The following PIK3R3 variants were observed in gnomAD, a reference collection of about 807,000 sequenced individuals.
The protein encoded by PIK3R3 is phosphatidylinositol 3-kinase regulatory subunit gamma.
PIK3R3 carries 64 observed loss-of-function variants against 62.9 expected under a neutral mutation model. The ratio of observed to expected loss-of-function variants is 1.02; its 90% CI spans 0.83 to 1.25. The LOEUF (loss-of-function observed/expected upper bound fraction) is 1.25, where lower values mean the gene tolerates loss of function less well. Among genes scored for constraint, PIK3R3 ranks in the 50% most tolerant of loss-of-function variants. The pLI, the probability that PIK3R3 is intolerant of heterozygous loss-of-function variation, is 0.00. For synonymous variants in PIK3R3, 165 were observed against 189.0 expected (o/e 0.87, Z 1.04); for missense variants, 614 against 561.6 (o/e 1.09, Z -0.94).
intron 3 of PIK3R3, among the ~76,000 whole-genome samples, chr1:46,073,961 C>T (rs1649789661): frequency 6.7e-6 from 1 of 150,370 alleles, no homozygotes; most frequent in Non-Finnish European, 1.5e-5. Flanking sequence ...ACTCCCTGAG[C>T]CACAATATTA....
In PIK3R3 at chr1:46,040,470, A is replaced by G. The variant is rs1223210819; in HGVS notation, c.*3203T>C. On this transcript the variant is annotated 3_prime_UTR_variant, in exon 10 of 10. Coordinates refer to ENST00000262741, the MANE Select transcript of PIK3R3 (RefSeq NM_003629.4). The stretch of plus-strand genomic sequence containing the variant: ...TCACAAGTAACGGCACCAAAGTCAC[A>G]TGCTGGAATTTGTAAGGAAACGAGG... 1 of 229,940 alleles carries G rather than the reference A, an allele frequency of 4.3e-6. No individual in the cohort carries two copies. 14.2% of individuals were successfully genotyped at this position (229,940 alleles called of 1,614,324 possible). A position where few individuals can be genotyped will look rare whatever the true frequency, so the allele number is the denominator to read the frequency against.
At chr1:46,125,092 T>A (rs1557635631) in intron 1 of PIK3R3, among the ~76,000 whole-genome samples, 1 of 151,908 alleles carries the variant, frequency 6.6e-6, no homozygotes, top group Non-Finnish European at 1.5e-5. Flanking sequence ...AGAGCGAGAC[T>A]TTGTCTCAAA....
At chr1:46,153,831 G>A in the PIK3R3 span, among the ~76,000 whole-genome samples, 1 of 152,162 alleles carries the variant, frequency 6.6e-6, no homozygotes, top group Admixed American at 6.5e-5. Context: ...TAGACTCCTA[G>A]TCAGTGCTGC....
the PIK3R3 span, among the ~76,000 whole-genome samples, chr1:46,170,082 C>CA: frequency 6.6e-6 from 1 of 152,050 alleles, no homozygotes; most frequent in Non-Finnish European, 1.5e-5. Flanking sequence ...CCTTTGAAGA[C>CA]AGTCTATTCC....
chr1:46,125,821 C>A (rs1342403754), intron 1 of PIK3R3, among the ~76,000 whole-genome samples: 1 of 151,426 alleles, frequency 6.6e-6, no homozygotes, highest in Non-Finnish European at 1.5e-5. Context: ...AGTGCAGTGG[C>A]ACCATCTTGG....
Position 46,077,619 on chromosome 1 carries a change from G to C in PIK3R3, c.216-6C>G, listed in dbSNP as rs1275351390. 6.4e-7 allele frequency: 1 copy of C among 1,571,768 alleles called. No homozygotes were observed. The highest frequency in any genetic ancestry group is 8.8e-7 in the Non-Finnish European group (1 of 1,141,862). On this transcript the variant is annotated splice_region_variant and splice_polypyrimidine_tract_variant and intron_variant, in intron 2 of 9. Transcript: ENST00000262741. ...ATTTGTCATTTACCTCCTCCCTGAA[G>C]AACAGAATTATAAGAAAAATGAAAA...
chr1:46,170,783 A>G, the PIK3R3 span, among the ~76,000 whole-genome samples: 1 of 152,050 alleles, frequency 6.6e-6, no homozygotes, highest in African/African-American at 2.4e-5. Flanking sequence ...ATGTGTGGAC[A>G]CCTTTGCCTA....
chr1:46,061,805 A>G (rs912050101), intron 6 of PIK3R3, 124 bp downstream of exon 6: 38 of 851,776 alleles, frequency 4.5e-5, no homozygotes, highest in Admixed American at 4.5e-5. Context: ...TAGTGGAAAC[A>G]GCAAGTGGTT....
At chr1:46,129,405 A>T (rs4660341) in intron 1 of PIK3R3, among the ~76,000 whole-genome samples, 68,665 of 121,726 alleles carry the variant, frequency 0.56, 15,885 homozygotes, top group East Asian at 0.65. Context: ...GGGGGATTTT[A>T]TTTATTTATT....
At chr1:46,120,469 A>T (rs1654567333) in intron 1 of PIK3R3, among the ~76,000 whole-genome samples, 1 of 152,148 alleles carries the variant, frequency 6.6e-6, no homozygotes, top group African/African-American at 2.4e-5. Context: ...GCTACTCAGG[A>T]GGCTGAGGCA....
chr1:46,091,138 CTTTTTT>C (rs148774563), intron 1 of PIK3R3, among the ~76,000 whole-genome samples: 2 of 127,654 alleles, frequency 1.6e-5, no homozygotes, highest in African/African-American at 5.7e-5. Context: ...AGCATTTTAA[CTTTTTT>C]TTTTTTTTTT....
the PIK3R3 span, among the ~76,000 whole-genome samples, chr1:46,170,720 C>G: frequency 2.0e-5 from 3 of 152,218 alleles, no homozygotes. Context: ...CGCGCCTGGC[C>G]CTGCCTGGTT....
chr1:46,085,297 C>T (rs1411276500), intron 1 of PIK3R3, among the ~76,000 whole-genome samples: 1 of 152,218 alleles, frequency 6.6e-6, no homozygotes, highest in African/African-American at 2.4e-5. Context: ...ATGTATTGAA[C>T]ACCTCCCATG....
intron 1 of PIK3R3, among the ~76,000 whole-genome samples, chr1:46,093,425 C>T (rs1049237256): frequency 2.4e-4 from 37 of 152,164 alleles, no homozygotes; most frequent in African/African-American, 8.9e-4. Context: ...GTCAACTTCT[C>T]ACATTTGCTT....
the PIK3R3 span, among the ~76,000 whole-genome samples, chr1:46,167,768 C>T: frequency 5.9e-5 from 9 of 152,324 alleles, no homozygotes; most frequent in Admixed American, 2.0e-4. Context: ...AATCAGTGCC[C>T]GCTCTGGGCT....
At chr1:46,045,644 T>TTTTTTTTTTTTCC (rs370501368) in intron 9 of PIK3R3, among the ~76,000 whole-genome samples, 1 of 82,680 alleles carries the variant, frequency 1.2e-5, no homozygotes, top group African/African-American at 4.7e-5. Flanking sequence ...TTTTTTTTTT[T>TTTTTTTTTTTTCC]CAATTTAAGA....
intron 1 of PIK3R3, chr1:46,104,871 T>G (rs1653038950): frequency 9.0e-6 from 4 of 443,756 alleles, no homozygotes; most frequent in Admixed American, 3.8e-5. Flanking sequence ...GAGGTTGCAG[T>G]GAGCCAAGAT....
At chr1:46,072,637 A>C (rs1347167871) in intron 3 of PIK3R3, among the ~76,000 whole-genome samples, 1 of 152,224 alleles carries the variant, frequency 6.6e-6, no homozygotes, top group Non-Finnish European at 1.5e-5. Context: ...GATAAATAAG[A>C]AGCATATTCA....
chr1:46,103,199 G>C (rs957942177), intron 1 of PIK3R3, among the ~76,000 whole-genome samples: 1 of 152,194 alleles, frequency 6.6e-6, no homozygotes, highest in African/African-American at 2.4e-5. Flanking sequence ...AATGGGTACA[G>C]AGTTTCAGAT....
Sources: allele counts gnomAD v4.1 joint callset (sites outside exome capture counted in the v4.1 genomes callset), GRCh38; gene constraint gnomAD v4.1.1; transcripts MANE v1.5; gene names NCBI Gene and HGNC (gene_info 2026-07-23, HGNC 2026-07-21).